Variants in LRRIQ1 observed in about 807,000 individuals in gnomAD.
LRRIQ1 encodes leucine-rich repeat- and IQ domain-containing protein 1.
In LRRIQ1, 210 loss-of-function variants were observed where a neutral mutation model predicts 211.9. The observed-to-expected ratio is 0.99, with a 90% confidence interval of 0.89 to 1.11. The LOEUF (loss-of-function observed/expected upper bound fraction) is 1.11, where lower values mean the gene tolerates loss of function less well. Among genes scored for constraint, LRRIQ1 ranks in the 50% most tolerant of loss-of-function variants. The pLI is 0.00. For missense variants in LRRIQ1, 2,136 were observed against 1,939.5 expected (o/e 1.10, Z -1.90); for synonymous variants, 699 against 650.1 (o/e 1.08, Z -1.14).
chr12:85,098,637 ATAAT>A (rs1886103927), intron 12 of LRRIQ1, 89 bp downstream of exon 12: 3 of 1,101,298 alleles, frequency 2.7e-6, no homozygotes, highest in South Asian at 1.7e-5. Flanking sequence ...GCAATTTTGA[ATAAT>A]TATTTTGTTC....
At chr12:85,201,537 T>C (rs889097079) in intron 24 of LRRIQ1, among the ~76,000 whole-genome samples, 4 of 152,106 alleles carry the variant, frequency 2.6e-5, no homozygotes, top group African/African-American at 9.7e-5. Flanking sequence ...TGTCGAGGAC[T>C]TTATCCATTT....
At chr12:85,237,470 C>T (rs1356835311) in intron 26 of LRRIQ1, among the ~76,000 whole-genome samples, 1 of 152,002 alleles carries the variant, frequency 6.6e-6, no homozygotes, top group Non-Finnish European at 1.5e-5. Context: ...ATAGTGGTTT[C>T]CTTAGGTGTT....
Position 85,066,790 on chromosome 12 carries a change from C to T in LRRIQ1, c.2587C>T (p.Leu863Phe). The part of the protein sequence containing the change: ...EAIECENLEN[L>F]CVVLLNKNQL... Reference sequence around the variant, plus strand: ...TATTGAGTGTGAAAATTTGGAAAATCTCTGTGTTGTTCTTCTTAATAAAAA... The same window carrying T: ...TATTGAGTGTGAAAATTTGGAAAATTTCTGTGTTGTTCTTCTTAATAAAAA... The change falls in exon 10 of 27, where the codon CTC becomes TTC. Residue 863 changes from leucine to phenylalanine, a missense_variant. By Grantham distance (22) the Leu-to-Phe change is conservative (BLOSUM62 0). Coordinates refer to ENST00000393217, the MANE Select transcript of LRRIQ1 (RefSeq NM_001079910.2). The T allele has an allele frequency of 6.3e-7, 1 of 1,599,692 alleles. No homozygotes were observed. Among genetic ancestry groups the T allele is most frequent in the Non-Finnish European group, 8.5e-7 (1 of 1,173,498 alleles).
intron 8 of LRRIQ1, among the ~76,000 whole-genome samples, chr12:85,059,808 G>A (rs1183393000): frequency 1.3e-5 from 2 of 151,572 alleles, no homozygotes; most frequent in African/African-American, 4.9e-5. Context: ...TAACAAAACC[G>A]CATGTTCTGC....
chr12:85,201,736 CTT>C (rs1036854675), intron 24 of LRRIQ1, among the ~76,000 whole-genome samples: 1 of 151,908 alleles, frequency 6.6e-6, no homozygotes, highest in African/African-American at 2.4e-5. Context: ...CATAAAATGA[CTT>C]TTGGATTTAT....
At chr12:85,221,774 A>G (rs1435636513) in intron 24 of LRRIQ1, among the ~76,000 whole-genome samples, 1 of 152,154 alleles carries the variant, frequency 6.6e-6, no homozygotes, top group Non-Finnish European at 1.5e-5. Flanking sequence ...ATAAAGTAAG[A>G]CCTATACTTT....
In LRRIQ1 at chr12:85,054,642, T is replaced by A. The variant is rs564922508; in HGVS notation, c.754-905T>A. 2.3e-3 allele frequency among the ~76,000 whole-genome samples: 345 copies of A among 152,230 alleles called. 4 individuals carry two copies. Among genetic ancestry groups the A allele is most frequent in the Non-Finnish European group, 3.7e-3 (254 of 68,006 alleles). ...TATTATTTGTTGTTTGGGGAAAACA[T>A]CTCATTTTGAAGTTTTTTTTTAAGT... is the stretch of plus-strand genomic sequence containing the variant. On this transcript the variant is annotated intron_variant, in intron 7 of 26. Transcript: ENST00000393217.
intron 24 of LRRIQ1, among the ~76,000 whole-genome samples, chr12:85,178,655 A>G (rs2136866979): frequency 6.6e-6 from 1 of 152,028 alleles, no homozygotes; most frequent in African/African-American, 2.4e-5. Flanking sequence ...AGTCCCTTAC[A>G]TCTTCGCTTC....
intron 24 of LRRIQ1, among the ~76,000 whole-genome samples, chr12:85,228,127 C>A (rs1894758574): frequency 6.6e-6 from 1 of 152,152 alleles, no homozygotes; most frequent in Middle Eastern, 3.2e-3. Context: ...GACTTCATGA[C>A]TAAAACACCA....
At chr12:85,220,916 T>C in intron 24 of LRRIQ1, among the ~76,000 whole-genome samples, 1 of 151,768 alleles carries the variant, frequency 6.6e-6, no homozygotes. Flanking sequence ...CAAGCAATTC[T>C]TCTGCCTCAG....
intron 11 of LRRIQ1, among the ~76,000 whole-genome samples, chr12:85,093,061 A>G (rs1359479800): frequency 6.6e-6 from 1 of 152,200 alleles, no homozygotes; most frequent in East Asian, 1.9e-4. Context: ...TGATGAGTCT[A>G]CTAATGTTGA....
At chr12:85,069,448 A>T (rs1048049076) in intron 10 of LRRIQ1, among the ~76,000 whole-genome samples, 5 of 152,092 alleles carry the variant, frequency 3.3e-5, no homozygotes, top group Non-Finnish European at 5.9e-5. Context: ...TCCTTTGGGT[A>T]TATTCCTAGT....
At chr12:85,127,323 G>C (rs1008617876) in intron 17 of LRRIQ1, among the ~76,000 whole-genome samples, 2 of 152,220 alleles carry the variant, frequency 1.3e-5, no homozygotes, top group Non-Finnish European at 2.9e-5. Flanking sequence ...GTCTGTAAGA[G>C]TGTAATTTAA....
At chr12:85,223,273 T>C (rs1894486558) in intron 24 of LRRIQ1, among the ~76,000 whole-genome samples, 1 of 152,108 alleles carries the variant, frequency 6.6e-6, no homozygotes, top group Non-Finnish European at 1.5e-5. Context: ...GAGTGGGAAC[T>C]GACTCCTAGG....
At chr12:85,066,058 T>C (rs1882395567) in intron 9 of LRRIQ1, among the ~76,000 whole-genome samples, 1 of 151,872 alleles carries the variant, frequency 6.6e-6, no homozygotes, top group Admixed American at 6.6e-5. Context: ...CCTGAGGTCA[T>C]GTGGAAGGGG....
chr12:85,205,515 T>C (rs1893499125), intron 24 of LRRIQ1, among the ~76,000 whole-genome samples: 1 of 152,144 alleles, frequency 6.6e-6, no homozygotes, highest in Non-Finnish European at 1.5e-5. Flanking sequence ...CCCTTCACTC[T>C]ATCTGCCTTT....
intron 24 of LRRIQ1, among the ~76,000 whole-genome samples, chr12:85,197,333 T>G (rs1253027827): frequency 6.6e-6 from 1 of 151,838 alleles, no homozygotes; most frequent in Non-Finnish European, 1.5e-5. Context: ...ACTGGGTATA[T>G]ACCCAAAGGA....
At chr12:85,094,210 A>T (rs992122982) in intron 11 of LRRIQ1, among the ~76,000 whole-genome samples, 1 of 152,184 alleles carries the variant, frequency 6.6e-6, no homozygotes, top group African/African-American at 2.4e-5. Flanking sequence ...GACTGGACAT[A>T]AGCAACACAC....
At chr12:85,121,092 C>T (rs569806279) in intron 15 of LRRIQ1, among the ~76,000 whole-genome samples, 4 of 151,998 alleles carry the variant, frequency 2.6e-5, no homozygotes, top group African/African-American at 4.8e-5. Context: ...CTCAGCCTCC[C>T]GGCTAACTGG....
Sources: gnomAD v4.1 joint callset for allele counts (sites outside exome capture counted in the v4.1 genomes callset) on GRCh38, gnomAD v4.1.1 for gene constraint, MANE v1.5 for transcripts, NCBI Gene and HGNC (gene_info 2026-07-23, HGNC 2026-07-21) for gene names.